DIS3: variants seen among roughly 807,000 people sequenced by gnomAD.
The protein encoded by DIS3 is DIS3 exosome endoribonuclease and 3'-5' exoribonuclease.
In DIS3, 103 loss-of-function variants were observed where a neutral mutation model predicts 113.0. The ratio of observed to expected loss-of-function variants is 0.91; its 90% CI spans 0.78 to 1.07. The LOEUF is 1.07. Ranked by LOEUF, DIS3 falls within the 50% of genes least tolerant of loss-of-function variation. DIS3 has a pLI of 0.00. For missense variants in DIS3, 1,121 were observed against 1,167.1 expected, an observed-to-expected ratio of 0.96 and a Z score of 0.58; for synonymous variants, 402 against 394.3, an observed-to-expected ratio of 1.02 and a Z score of -0.23.
intron 9 of DIS3, 141 bp from the exon 10 acceptor site, chr13:72,772,416 T>C: frequency 5.5e-6 from 4 of 724,100 alleles, no homozygotes; most frequent in African/African-American, 1.8e-5. Context: ...TTCTTTTTCC[T>C]GCACTGGAGC....
rs1052413346 is a variant in DIS3 at position 72,758,388 on chromosome 13, A to G, written c.*1407T>C. The G allele has an allele frequency of 2.1e-4, 39 of 189,396 alleles. No individual in the cohort carries two copies. The highest frequency in any genetic ancestry group is 8.6e-4 in the African/African-American group (37 of 42,904). 11.7% of individuals were successfully genotyped at this position (189,396 alleles called of 1,614,324 possible). A position where few individuals can be genotyped will look rare whatever the true frequency, so the allele number is the denominator to read the frequency against. On this transcript the variant is annotated 3_prime_UTR_variant, in exon 21 of 21. Transcript: ENST00000377767. The stretch of plus-strand genomic sequence containing the variant: ...ATATGACTATATATGAAACTTAACA[A>G]ATCAGGCCTTGTTGAAACACAGTCA...
At chr13:72,764,600 T>C (rs1414285279) in intron 15 of DIS3, among the ~76,000 whole-genome samples, 2 of 152,242 alleles carry the variant, frequency 1.3e-5, no homozygotes, top group South Asian at 2.1e-4. Context: ...TGATTCTCTA[T>C]ATAGTTATTC....
intron 18 of DIS3, 24 bp downstream of exon 18, chr13:72,761,622 G>T (rs759974101): frequency 1.3e-6 from 2 of 1,556,548 alleles, no homozygotes; most frequent in South Asian, 2.5e-5. Context: ...ATTTTTTCTA[G>T]CAGTATCGAC....
intron 11 of DIS3, among the ~76,000 whole-genome samples, chr13:72,771,554 T>C (rs1459488862): frequency 6.6e-6 from 1 of 152,090 alleles, no homozygotes; most frequent in Non-Finnish European, 1.5e-5. Context: ...GAAACTAAAT[T>C]TTTATGGAAA....
intron 4 of DIS3, 99 bp from the exon 5 acceptor site, chr13:72,776,191 T>C (rs1356234774): frequency 7.7e-6 from 9 of 1,162,648 alleles, no homozygotes; most frequent in Non-Finnish European, 8.2e-6. Flanking sequence ...ATCTACATTA[T>C]GATATACACA....
At position 72,771,896 on chromosome 13, in the gene DIS3, C is replaced by A. The variant is rs752549514; in HGVS notation, c.1504G>T (p.Val502Phe). 5.9e-5 allele frequency: 95 copies of A among 1,611,782 alleles called. No homozygotes were observed. The highest frequency in any genetic ancestry group is 8.1e-5 in the Non-Finnish European group (95 of 1,179,390). Residue 502 changes from valine to phenylalanine, a missense_variant and splice_region_variant, in exon 11 of 21, where the codon GTT (valine) becomes TTT (phenylalanine). Physicochemically the swap from Val to Phe is conservative, Grantham distance 50. Around this residue, in one of 3 missense-constraint regions of DIS3, gnomAD observed 861 missense variants for 915.5 expected, o/e 0.94. Coordinates refer to ENST00000377767, the MANE Select transcript of DIS3 (RefSeq NM_014953.5). ...CTCACATCAGCAATATGAACACCAA[C>A]CTTAAAAAGATAAAAATAAAAGGAT... ...CRELENGNLE[V>F]GVHIADVSHF...
chr13:72,774,026 G>C lies in DIS3; in HGVS notation c.1021C>G (p.Pro341Ala), dbSNP rs2033949932. The change falls in exon 7 of 21, where the codon CCT becomes GCT. Residue 341 changes from proline to alanine, a missense_variant. By Grantham distance (27) the Pro-to-Ala change is conservative (BLOSUM62 -1). Transcript: ENST00000377767. The stretch of plus-strand genomic sequence containing the variant: ...ATTATTCCTACAACTCTACCTGTAG[G>C]CTTCAACATTTTCTCGCTTACAGCA... Reference protein sequence around the residue: ...KTAVSEKMLKPTGRVVGIIKR... With the variant: ...KTAVSEKMLKATGRVVGIIKR... The C allele has an allele frequency of 6.2e-7, 1 of 1,608,572 alleles. No individual in the cohort carries two copies. Among genetic ancestry groups the C allele is most frequent in the Non-Finnish European group, 8.5e-7 (1 of 1,178,732 alleles).
Position 72,775,924 on chromosome 13 carries a change from C to T in DIS3, c.822+1G>A. ...TATAAGGAATTTATTTATATACTTG[C>T]CTCTTTATTTTCTTCATTGTCGCCA... On this transcript the variant is annotated splice_donor_variant, in intron 5 of 20. Transcript: ENST00000377767. LOFTEE classifies it high-confidence loss of function. 2 of 1,597,696 alleles carry T rather than the reference C, an allele frequency of 1.3e-6. No homozygotes were observed. Among genetic ancestry groups the T allele is most frequent in the Non-Finnish European group, 1.7e-6 (2 of 1,174,728 alleles).
At position 72,753,818 on chromosome 13, in the gene DIS3, G is replaced by A. The variant is rs780982289; in HGVS notation, c.*5977C>T. 3.1e-6 allele frequency: 5 copies of A among 1,611,630 alleles called. No individual in the cohort carries two copies. In the East Asian group the frequency reaches 8.9e-5, roughly 29 times the overall value. On this transcript the variant is annotated 3_prime_UTR_variant, in exon 21 of 21. Transcript: ENST00000377767. ...AGAGTAAATCTCAAGCATTTAATAT[G>A]AAGGTACGGAGAAAATATAGTGAAA...
chr13:72,776,215 G>A (rs931778478), intron 4 of DIS3, 123 bp from the exon 5 acceptor site: 14 of 911,702 alleles, frequency 1.5e-5, no homozygotes, highest in Non-Finnish European at 2.0e-5. Context: ...CTGAATAGGA[G>A]AGAAGATAGC....
At position 72,753,853 on chromosome 13, in the gene DIS3, T is replaced by A. The variant is rs1306803556; in HGVS notation, c.*5942A>T. On this transcript the variant is annotated 3_prime_UTR_variant, in exon 21 of 21. Transcript: ENST00000377767. ...AGAAAATATAGTGAAAGCTTAATAT[T>A]GTTTAGATTAGAAATATAAAATAAT... 6.4e-7 allele frequency: 1 copy of A among 1,566,092 alleles called. No homozygotes were observed. Among genetic ancestry groups the A allele is most frequent in the East Asian group, 2.3e-5 (1 of 43,982 alleles).
At chr13:72,765,896 A>G in intron 15 of DIS3, 76 bp downstream of exon 15, 1 of 1,030,382 alleles carries the variant, frequency 9.7e-7, no homozygotes, top group East Asian at 2.7e-5. Context: ...AAACGTTTTC[A>G]TTATTTGTAC....
At chr13:72,775,426 T>A (rs777750414) in intron 5 of DIS3, 51 bp from the exon 6 acceptor site, 3 of 1,523,088 alleles carry the variant, frequency 2.0e-6, no homozygotes, top group East Asian at 2.3e-5. Context: ...AATGGCAATA[T>A]AATAAAGGGA....
chr13:72,779,410 G>A (rs992319613), intron 2 of DIS3, among the ~76,000 whole-genome samples: 8 of 152,098 alleles, frequency 5.3e-5, no homozygotes, highest in African/African-American at 9.7e-5. Context: ...AAGCCACCAC[G>A]CCCAGCTGCT....
At chr13:72,780,712 G>A in intron 2 of DIS3, 134 bp downstream of exon 2, 1 of 887,806 alleles carries the variant, frequency 1.1e-6, no homozygotes, top group Non-Finnish European at 1.7e-6. Context: ...CTTCTGCACA[G>A]CCATGTAAGA....
intron 1 of DIS3, 183 bp downstream of exon 1, chr13:72,781,422 A>AT (rs1254003892): frequency 6.6e-7 from 1 of 1,516,492 alleles, no homozygotes; most frequent in Non-Finnish European, 8.8e-7. Flanking sequence ...CAAGAACTAA[A>AT]TTTTTTAAAG....
Position 72,759,231 on chromosome 13 carries a change from T to A in DIS3, c.*564A>T, listed in dbSNP as rs12837. Reference sequence around the variant, plus strand: ...ATCCTACTTTTTGCCTTTCTACCAATTCCCAAACATTCACAGTTTTTCAAG... The same window carrying A: ...ATCCTACTTTTTGCCTTTCTACCAAATCCCAAACATTCACAGTTTTTCAAG... On this transcript the variant is annotated 3_prime_UTR_variant, in exon 21 of 21. Transcript: ENST00000377767. 34,184 of 198,878 alleles carry A rather than the reference T, an allele frequency of 0.17. 3,611 individuals are homozygous for A. Among genetic ancestry groups the A allele is most frequent in the Admixed American group, 0.31 (5,171 of 16,538 alleles). The allele number at this position is 198,878 out of a possible 1,614,324, so 12.3% of individuals were successfully genotyped here.
At chr13:72,773,546 A>AC (rs2033935296) in intron 8 of DIS3, 138 bp downstream of exon 8, 1 of 893,922 alleles carries the variant, frequency 1.1e-6, no homozygotes, top group Non-Finnish European at 1.6e-6. Flanking sequence ...CATGCTACTT[A>AC]CCAGGTCACT....
intron 15 of DIS3, among the ~76,000 whole-genome samples, chr13:72,764,098 G>C (rs1455721855): frequency 6.6e-6 from 1 of 152,106 alleles, no homozygotes; most frequent in East Asian, 1.9e-4. Flanking sequence ...GTTGCAGTGA[G>C]CCGAGATCGC....
Sources: gnomAD v4.1 joint callset for allele counts (sites outside exome capture counted in the v4.1 genomes callset) on GRCh38, gnomAD v4.1.1 for gene constraint, gnomAD v4.1.1 regional missense constraint, MANE v1.5 for transcripts, NCBI Gene and HGNC (gene_info 2026-07-23, HGNC 2026-07-21) for gene names.